The following PABPC4L variants were observed in gnomAD, a reference collection of about 807,000 sequenced individuals.
PABPC4L encodes poly(A) binding protein cytoplasmic 4 like, also known as polyadenylate-binding protein 4-like.
For missense variants in PABPC4L, 452 were observed against 451.4 expected (o/e 1.00, Z -0.01); for synonymous variants, 169 against 164.1 (o/e 1.03, Z -0.23).
At position 134,200,656 on chromosome 4, in the gene PABPC4L, CA is replaced by C; in HGVS notation, c.363del (p.Phe121LeufsTer9). 2.6e-6 allele frequency: 4 copies of C among 1,551,590 alleles called. No individual in the cohort carries two copies. Among genetic ancestry groups the C allele is most frequent in the Non-Finnish European group, 3.5e-6 (4 of 1,146,964 alleles). On this transcript the variant is annotated frameshift_variant, in exon 2 of 2. Transcript: ENST00000421491. LOFTEE classifies it low-confidence loss of function (END_TRUNC). The stretch of plus-strand genomic sequence containing the variant: ...ATCACCTTGGAGGAAAGGATCTTTC[CA>C]AAAGCTGAAAAATGTTCATAAAGGG... The part of the protein sequence containing the change: ...NKTLYEHFSA[F>X]GKILSSKVMS...
At chr4:134,194,321 T>C (rs1274856160), downstream of PABPC4L, among the ~76,000 whole-genome samples, 1 of 151,834 alleles carries the variant, frequency 6.6e-6, no homozygotes, top group Non-Finnish European at 1.5e-5. Context: ...TTATCTATAA[T>C]AGCTCATGTA....
the PABPC4L span, among the ~76,000 whole-genome samples, chr4:134,035,629 AAAGT>A: frequency 2.6e-5 from 4 of 152,108 alleles, no homozygotes; most frequent in East Asian, 5.8e-4. Context: ...TTGTATCAAT[AAAGT>A]AAGAAGATTT....
At chr4:133,994,785 T>C in the PABPC4L span, among the ~76,000 whole-genome samples, 1 of 152,130 alleles carries the variant, frequency 6.6e-6, no homozygotes, top group Non-Finnish European at 1.5e-5. Flanking sequence ...AAACTATCTT[T>C]GATCCAGGTA....
chr4:134,132,978 T>C, the PABPC4L span, among the ~76,000 whole-genome samples: 1 of 141,234 alleles, frequency 7.1e-6, no homozygotes, highest in East Asian at 2.1e-4. Flanking sequence ...ATATATTATG[T>C]ATATAATTAA....
At chr4:134,171,288 G>A in the PABPC4L span, among the ~76,000 whole-genome samples, 1 of 151,982 alleles carries the variant, frequency 6.6e-6, no homozygotes, top group African/African-American at 2.4e-5. Context: ...ACAAATTTTT[G>A]TATTTTTAGT....
chr4:134,167,878 T>A, the PABPC4L span, among the ~76,000 whole-genome samples: 43 of 152,126 alleles, frequency 2.8e-4, no homozygotes, highest in African/African-American at 1.0e-3. Flanking sequence ...ATTGGATATA[T>A]CATCTAGACA....
At chr4:133,950,312 C>G in the PABPC4L span, among the ~76,000 whole-genome samples, 7 of 152,158 alleles carry the variant, frequency 4.6e-5, no homozygotes, top group Admixed American at 1.3e-4. Flanking sequence ...ATACTTTAGT[C>G]TCCCTTTTAT....
chr4:134,043,959 G>C, the PABPC4L span, among the ~76,000 whole-genome samples: 3 of 151,476 alleles, frequency 2.0e-5, no homozygotes, highest in Non-Finnish European at 4.4e-5. Flanking sequence ...TGTGTGTTTT[G>C]AGACACATTC....
the PABPC4L span, among the ~76,000 whole-genome samples, chr4:134,000,909 C>G: frequency 8.5e-5 from 13 of 152,108 alleles, no homozygotes; most frequent in Non-Finnish European, 1.8e-4. Context: ...GGGTCTCCAG[C>G]TTTCTGATGG....
chr4:134,007,378 T>A, the PABPC4L span, among the ~76,000 whole-genome samples: 1 of 151,760 alleles, frequency 6.6e-6, no homozygotes, highest in Admixed American at 6.6e-5. Context: ...TAAAATAAAT[T>A]ATCTTCCATA....
rs1289935094 is a variant in PABPC4L at position 134,201,732 on chromosome 4, G to C, written c.-241C>G. 6.6e-6 allele frequency: 1 copy of C among 152,506 alleles called. No individual in the cohort carries two copies. The highest frequency in any genetic ancestry group is 2.4e-5 in the African/African-American group (1 of 41,470). 9.4% of individuals were successfully genotyped at this position (152,506 alleles called of 1,614,324 possible). A position where few individuals can be genotyped will look rare whatever the true frequency, so the allele number is the denominator to read the frequency against. On this transcript the variant is annotated 5_prime_UTR_variant, in exon 1 of 2. Transcript: ENST00000421491. ...TGGGGGCTCACCGGCGGTCGTCTGCGGGCGGGCGGGAAGCCCGGAACTCGC... is the reference window on the plus strand; with the variant it reads ...TGGGGGCTCACCGGCGGTCGTCTGCCGGCGGGCGGGAAGCCCGGAACTCGC...
At chr4:134,183,613 G>T in the PABPC4L span, among the ~76,000 whole-genome samples, 1 of 151,830 alleles carries the variant, frequency 6.6e-6, no homozygotes, top group African/African-American at 2.4e-5. Flanking sequence ...GAAGTTACCT[G>T]CAAATGTACA....
At chr4:133,981,356 A>G in the PABPC4L span, among the ~76,000 whole-genome samples, 2 of 152,194 alleles carry the variant, frequency 1.3e-5, no homozygotes, top group Non-Finnish European at 2.9e-5. Context: ...ATATACATTT[A>G]TACCATTTAT....
At chr4:134,157,337 A>G in the PABPC4L span, among the ~76,000 whole-genome samples, 1 of 151,228 alleles carries the variant, frequency 6.6e-6, no homozygotes, top group Admixed American at 6.6e-5. Flanking sequence ...ACTTTGCTGT[A>G]CTTAAGACAA....
At chr4:134,059,944 G>T in the PABPC4L span, among the ~76,000 whole-genome samples, 1 of 152,116 alleles carries the variant, frequency 6.6e-6, no homozygotes, top group Non-Finnish European at 1.5e-5. Flanking sequence ...GCACTGAAAA[G>T]CACAGGGAAA....
chr4:133,993,628 G>A, the PABPC4L span, among the ~76,000 whole-genome samples: 1 of 152,168 alleles, frequency 6.6e-6, no homozygotes, highest in African/African-American at 2.4e-5. Context: ...ACATACCTAT[G>A]AGCTGGCAAT....
the PABPC4L span, among the ~76,000 whole-genome samples, chr4:133,950,092 G>A: frequency 6.6e-6 from 1 of 152,166 alleles, no homozygotes; most frequent in East Asian, 1.9e-4. Context: ...GCCAAGGGGT[G>A]TGGTAATCTT....
At chr4:134,007,257 G>T in the PABPC4L span, among the ~76,000 whole-genome samples, 1 of 151,528 alleles carries the variant, frequency 6.6e-6, no homozygotes, top group Admixed American at 6.6e-5. Context: ...TTCTTGTAAT[G>T]ATGTTAATTG....
chr4:134,006,099 T>C, the PABPC4L span, among the ~76,000 whole-genome samples: 1 of 151,868 alleles, frequency 6.6e-6, no homozygotes. Context: ...AAAATCATCC[T>C]GTTTCTTTTT....
Sources: gnomAD v4.1 joint callset for allele counts (sites outside exome capture counted in the v4.1 genomes callset) on GRCh38, gnomAD v4.1.1 for gene constraint, MANE v1.5 for transcripts, NCBI Gene and HGNC (gene_info 2026-07-23, HGNC 2026-07-21) for gene names.